CAMK2A: variants seen among roughly 807,000 people sequenced by gnomAD.
CAMK2A encodes calcium/calmodulin dependent protein kinase II alpha.
CAMK2A carries 7 observed loss-of-function variants against 79.2 expected under a neutral mutation model. The ratio of observed to expected loss-of-function variants is 0.09; its 90% CI spans 0.05 to 0.17. CAMK2A has a LOEUF of 0.17. CAMK2A is among the 10% of genes least tolerant of loss of function. The pLI is 1.00. For missense variants in CAMK2A, 214 were observed against 646.4 expected, an observed-to-expected ratio of 0.33 and a Z score of 7.25; for synonymous variants, 242 against 251.7, an observed-to-expected ratio of 0.96 and a Z score of 0.36.
intron 7 of CAMK2A, 148 bp from the exon 8 acceptor site, chr5:150,252,213 T>C: frequency 1.5e-6 from 1 of 660,400 alleles, no homozygotes; most frequent in Non-Finnish European, 2.7e-6. Context: ...TGGGCTTGTA[T>C]TGTGCAACCC....
At chr5:150,281,916 T>A (rs1484785298) in intron 1 of CAMK2A, among the ~76,000 whole-genome samples, 1 of 152,240 alleles carries the variant, frequency 6.6e-6, no homozygotes, top group African/African-American at 2.4e-5. Flanking sequence ...TAGGCATTAG[T>A]ACCTTTTGTT....
chr5:150,249,472 G>A lies in CAMK2A; in HGVS notation c.900+754C>T, dbSNP rs182002797. Among the ~76,000 whole-genome samples the A allele has an allele frequency of 2.4e-4, 37 of 152,134 alleles. 2 individuals are homozygous for A. Among genetic ancestry groups the A allele is most frequent in the African/African-American group, 8.9e-4 (37 of 41,534 alleles). ...CCAGCCACTCTGAACCACTTGTGGT[G>A]CCCCTAAGGGGTCAGGCGCACTTCC... On this transcript the variant is annotated intron_variant, in intron 11 of 18. Coordinates refer to ENST00000671881, the MANE Select transcript of CAMK2A (RefSeq NM_015981.4).
chr5:150,266,180 C>T (rs1309933414), intron 2 of CAMK2A, among the ~76,000 whole-genome samples: 3 of 152,084 alleles, frequency 2.0e-5, no homozygotes, highest in South Asian at 2.1e-4. Flanking sequence ...TGGGGCTCCC[C>T]ACACACTCGG....
intron 3 of CAMK2A, among the ~76,000 whole-genome samples, chr5:150,263,052 A>T: frequency 6.6e-6 from 1 of 152,180 alleles, no homozygotes; most frequent in Non-Finnish European, 1.5e-5. Flanking sequence ...GGGCAGCTTA[A>T]TGATAATGAC....
At chr5:150,228,352 G>T in intron 16 of CAMK2A, 66 bp from the exon 17 acceptor site, 3 of 1,145,202 alleles carry the variant, frequency 2.6e-6, no homozygotes, top group Non-Finnish European at 3.9e-6. Context: ...TGGAGGGTGA[G>T]CCTGTGAAAT....
chr5:150,226,887 T>C (rs1459207223), intron 17 of CAMK2A, among the ~76,000 whole-genome samples: 5 of 151,366 alleles, frequency 3.3e-5, no homozygotes, highest in Non-Finnish European at 5.9e-5. Flanking sequence ...CACTGCAGCC[T>C]CAGCCTCCCG....
intron 12 of CAMK2A, 132 bp from the exon 13 acceptor site, chr5:150,245,333 G>GGA: frequency 1.4e-6 from 1 of 689,856 alleles, no homozygotes; most frequent in Non-Finnish European, 2.5e-6. Flanking sequence ...GCGATCCTGG[G>GGA]GGAGGCCTCC....
At chr5:150,287,280 G>A (rs1757463077) in intron 1 of CAMK2A, among the ~76,000 whole-genome samples, 1 of 152,018 alleles carries the variant, frequency 6.6e-6, no homozygotes, top group Non-Finnish European at 1.5e-5. Context: ...TCCTGACATT[G>A]CATGCAACAT....
intron 15 of CAMK2A, among the ~76,000 whole-genome samples, chr5:150,231,850 A>G (rs1468517064): frequency 6.6e-6 from 1 of 152,234 alleles, no homozygotes; most frequent in Non-Finnish European, 1.5e-5. Flanking sequence ...TCTTATGGCC[A>G]AAACCAGCAC....
chr5:150,254,734 T>C (rs910599070), intron 6 of CAMK2A, among the ~76,000 whole-genome samples: 1 of 152,192 alleles, frequency 6.6e-6, no homozygotes, highest in Non-Finnish European at 1.5e-5. Flanking sequence ...CCATGACATA[T>C]GGGCAAATTA....
intron 15 of CAMK2A, among the ~76,000 whole-genome samples, 197 bp from the exon 16 acceptor site, chr5:150,231,577 C>G (rs757765008): frequency 6.7e-6 from 1 of 149,824 alleles, no homozygotes; most frequent in Admixed American, 6.7e-5. Flanking sequence ...GGCATCATCA[C>G]CCCCATTTCA....
intron 3 of CAMK2A, 36 bp downstream of exon 3, chr5:150,264,919 TG>T: frequency 6.4e-7 from 1 of 1,556,330 alleles, no homozygotes; most frequent in Non-Finnish European, 8.9e-7. Context: ...GAGCAGGGCC[TG>T]GCTCCCCTGC....
At chr5:150,277,192 TGACAGAGCAA>T (rs1756985514) in intron 1 of CAMK2A, among the ~76,000 whole-genome samples, 2 of 152,206 alleles carry the variant, frequency 1.3e-5, no homozygotes, top group South Asian at 4.1e-4. Context: ...CCAGCCTGGG[TGACAGAGCAA>T]GACTCTGTCT....
intron 12 of CAMK2A, among the ~76,000 whole-genome samples, chr5:150,245,953 C>A (rs1755550429): frequency 6.6e-6 from 1 of 152,262 alleles, no homozygotes; most frequent in Admixed American, 6.5e-5. Context: ...GAATGTCCAG[C>A]CCTGCCCACA....
chr5:150,233,396 A>G (rs182006316), intron 15 of CAMK2A, among the ~76,000 whole-genome samples: 13 of 152,260 alleles, frequency 8.5e-5, no homozygotes, highest in African/African-American at 3.1e-4. Context: ...TGATCATTCA[A>G]CGTCAGCCAC....
chr5:150,253,169 G>C (rs962074031), intron 7 of CAMK2A, among the ~76,000 whole-genome samples: 1 of 152,230 alleles, frequency 6.6e-6, no homozygotes, highest in Non-Finnish European at 1.5e-5. Flanking sequence ...CCTTTGGGGA[G>C]GAGAGATGGC....
chr5:150,239,579 C>T (rs1341224625), intron 14 of CAMK2A, 125 bp downstream of exon 14: 6 of 825,650 alleles, frequency 7.3e-6, no homozygotes, highest in Admixed American at 3.7e-5. Context: ...ACAAGGCACA[C>T]GTACCAAGCA....
chr5:150,280,292 T>C (rs965813450), intron 1 of CAMK2A, among the ~76,000 whole-genome samples: 2 of 152,124 alleles, frequency 1.3e-5, no homozygotes, highest in African/African-American at 4.8e-5. Context: ...TTCCCTCCAC[T>C]CTGTTCTCCG....
intron 14 of CAMK2A, among the ~76,000 whole-genome samples, 168 bp downstream of exon 14, chr5:150,239,536 A>G (rs1174082039): frequency 6.6e-6 from 1 of 152,038 alleles, no homozygotes; most frequent in Non-Finnish European, 1.5e-5. Context: ...GAAACACGCA[A>G]ACAACACACA....
Sources: gnomAD v4.1 joint callset for allele counts (sites outside exome capture counted in the v4.1 genomes callset) on GRCh38, gnomAD v4.1.1 for gene constraint, MANE v1.5 for transcripts, NCBI Gene and HGNC (gene_info 2026-07-23, HGNC 2026-07-21) for gene names.